The following LENG8 variants were observed in gnomAD, a reference collection of about 807,000 sequenced individuals.
LENG8 encodes the protein leukocyte receptor cluster (LRC) member 8.
In LENG8, 28 loss-of-function variants were observed where a neutral mutation model predicts 102.1. The observed-to-expected ratio is 0.27, with a 90% CI of 0.20 to 0.38. LENG8 has a LOEUF of 0.38. Ranked by LOEUF, LENG8 falls within the 10% of genes least tolerant of loss-of-function variation. LENG8 has a pLI of 1.00. For synonymous variants in LENG8, 531 were observed against 456.7 expected (o/e 1.16, Z -2.07); for missense variants, 1,022 against 1,113.9 (o/e 0.92, Z 1.17).
intron 1 of LENG8, among the ~76,000 whole-genome samples, chr19:54,450,574 C>T (rs1004345523): frequency 3.3e-5 from 5 of 151,652 alleles, no homozygotes; most frequent in African/African-American, 1.2e-4. Context: ...ATTATAGCAT[C>T]CATCCTCTTG....
At position 54,452,760 on chromosome 19, in the gene LENG8, C is replaced by T; in HGVS notation, c.315+8C>T. 2 of 1,600,544 alleles carry T rather than the reference C, an allele frequency of 1.2e-6. No homozygotes were observed. The highest frequency in any genetic ancestry group is 1.7e-6 in the Non-Finnish European group (2 of 1,168,000). Reference sequence around the variant, plus strand: ...AGCTACTACTATCCCATGGTGAGTGCCCAGCCAGTGGGGCGGGGCAGGGCG... The same window carrying T: ...AGCTACTACTATCCCATGGTGAGTGTCCAGCCAGTGGGGCGGGGCAGGGCG... On this transcript the variant is annotated splice_region_variant and intron_variant, in intron 4 of 15. Transcript: ENST00000326764.
intron 1 of LENG8, among the ~76,000 whole-genome samples, chr19:54,450,118 C>T (rs1434172425): frequency 6.6e-6 from 1 of 152,202 alleles, no homozygotes; most frequent in Admixed American, 6.5e-5. Context: ...CTCTGTACCC[C>T]ACTCTTAATT....
chr19:54,456,990 G>T, intron 11 of LENG8, 69 bp downstream of exon 11: 1 of 1,486,088 alleles, frequency 6.7e-7, no homozygotes, highest in South Asian at 1.3e-5. Context: ...AGCCAACCCA[G>T]GGAGGGTGGC....
intron 15 of LENG8, chr19:54,458,844 C>T (rs1367744928): frequency 3.9e-6 from 6 of 1,550,690 alleles, no homozygotes; most frequent in Non-Finnish European, 4.4e-6. Flanking sequence ...ACTCCTTGCC[C>T]TGGGCTTCCT....
At chr19:54,460,718 T>TTGGC in intron 15 of LENG8, 48 bp from the exon 16 acceptor site, 25 of 1,047,946 alleles carry the variant, frequency 2.4e-5, no homozygotes, top group Admixed American at 3.7e-5. Flanking sequence ...GGCCCTCCCC[T>TTGGC]GCCCTCCCGC....
chr19:54,460,628 G>C (rs1569309612), intron 15 of LENG8, 138 bp from the exon 16 acceptor site: 20 of 1,433,542 alleles, frequency 1.4e-5, no homozygotes, highest in Non-Finnish European at 1.8e-5. Flanking sequence ...GGGGAGGCTG[G>C]GAGGCGGGTG....
Position 54,460,962 on chromosome 19 carries a change from C to T in LENG8, c.*34C>T. 3 of 1,538,166 alleles carry T rather than the reference C, an allele frequency of 2.0e-6. No individual in the cohort carries two copies. Among genetic ancestry groups the T allele is most frequent in the African/African-American group, 1.4e-5 (1 of 73,128 alleles). On this transcript the variant is annotated 3_prime_UTR_variant, in exon 16 of 16. Coordinates refer to ENST00000326764, the MANE Select transcript of LENG8 (RefSeq NM_052925.4). ...CGAGGAGGGGCGGGGGCAGGGGCTG[C>T]AGCCCCCAGCGCTGCCTTTGCGGAT...
intron 8 of LENG8, 144 bp from the exon 9 acceptor site, chr19:54,455,823 C>G: frequency 1.1e-6 from 1 of 923,088 alleles, no homozygotes; most frequent in Admixed American, 2.8e-5. Context: ...GGGTTCGCGT[C>G]TCATTTCTGC....
Position 54,455,660 on chromosome 19 carries a change from A to T in LENG8, c.1025+93A>T, listed in dbSNP as rs2084191631. The T allele has an allele frequency of 2.6e-6, 3 of 1,172,354 alleles. No homozygotes were observed. In the East Asian group the frequency reaches 7.7e-5, roughly 30 times the overall value. 72.6% of individuals were successfully genotyped at this position (1,172,354 alleles called of 1,614,324 possible). A position where few individuals can be genotyped will look rare whatever the true frequency, so the allele number is the denominator to read the frequency against. Reference sequence around the variant, plus strand: ...AGGAGAGTTGCGGGTCCCAGGTACCAGGAGCTCCAAAGAGAAATGAACTGG... The same window carrying T: ...AGGAGAGTTGCGGGTCCCAGGTACCTGGAGCTCCAAAGAGAAATGAACTGG... On this transcript the variant is annotated intron_variant, in intron 8 of 15. Coordinates refer to ENST00000326764, the MANE Select transcript of LENG8 (RefSeq NM_052925.4).
Position 54,461,184 on chromosome 19 carries a change from G to A in LENG8, c.*256G>A, listed in dbSNP as rs1237628669. The A allele has an allele frequency of 1.5e-5, 10 of 683,856 alleles. No homozygotes were observed. Among genetic ancestry groups the A allele is most frequent in the Middle Eastern group, 2.3e-4 (1 of 4,320 alleles). The allele number at this position is 683,856 out of a possible 1,614,324, so 42.4% of individuals were successfully genotyped here. On this transcript the variant is annotated 3_prime_UTR_variant, in exon 16 of 16. Coordinates refer to ENST00000326764, the MANE Select transcript of LENG8 (RefSeq NM_052925.4). ...GGAGGGTTGGGGGCATGGTCTGCAG[G>A]CTCATCTGTGTCCGCCTTTCACTCC... is the stretch of plus-strand genomic sequence containing the variant.
rs1358187571 is a variant in LENG8 at position 54,461,415 on chromosome 19, C to A, written c.*487C>A. On this transcript the variant is annotated 3_prime_UTR_variant, in exon 16 of 16. Coordinates refer to ENST00000326764, the MANE Select transcript of LENG8 (RefSeq NM_052925.4). The stretch of plus-strand genomic sequence containing the variant: ...TTCGCCACAGACTCTTGTTCCCAGC[C>A]CCTTGGGGCCTCCGTGTTTGGGGTG... The A allele has an allele frequency of 2.2e-6, 1 of 458,528 alleles. No individual in the cohort carries two copies. The highest frequency in any genetic ancestry group is 6.9e-5 in the East Asian group (1 of 14,436). The allele number at this position is 458,528 out of a possible 1,614,324, so 28.4% of individuals were successfully genotyped here. A position where few individuals can be genotyped will look rare whatever the true frequency, so the allele number is the denominator to read the frequency against.
At chr19:54,453,185 T>C (rs1257904770) in intron 4 of LENG8, among the ~76,000 whole-genome samples, 4 of 152,280 alleles carry the variant, frequency 2.6e-5, no homozygotes, top group Admixed American at 6.5e-5. Flanking sequence ...TTCTTTGCCA[T>C]CTTATTGTTT....
Position 54,452,286 on chromosome 19 carries a change from G to T in LENG8, c.213+19G>T. On this transcript the variant is annotated intron_variant, in intron 3 of 15. Coordinates refer to ENST00000326764, the MANE Select transcript of LENG8 (RefSeq NM_052925.4). ...TGCACAGGTGAGAAGGCCTCATGGGGCTGGGGTACCCTGAGCCAGAGGTTG... is the reference window on the plus strand; with the variant it reads ...TGCACAGGTGAGAAGGCCTCATGGGTCTGGGGTACCCTGAGCCAGAGGTTG... 1 of 1,589,576 alleles carries T rather than the reference G, an allele frequency of 6.3e-7. No individual in the cohort carries two copies. The highest frequency in any genetic ancestry group is 8.6e-7 in the Non-Finnish European group (1 of 1,163,926).
chr19:54,454,173 C>CA (rs1386870953), intron 5 of LENG8, among the ~76,000 whole-genome samples: 1 of 152,148 alleles, frequency 6.6e-6, no homozygotes, highest in African/African-American at 2.4e-5. Context: ...GAAACGCTGC[C>CA]AGCTGCCGCT....
intron 5 of LENG8, 83 bp from the exon 6 acceptor site, chr19:54,454,347 C>T: frequency 7.1e-7 from 1 of 1,414,766 alleles, no homozygotes; most frequent in South Asian, 1.3e-5. Flanking sequence ...GCTGTGACCA[C>T]TGCGTCCTCA....
Position 54,461,621 on chromosome 19 carries a change from A to AT in LENG8, c.*702dup, listed in dbSNP as rs754920356. The AT allele has an allele frequency of 5.7e-5, 27 of 470,646 alleles. No individual in the cohort carries two copies. The highest frequency in any genetic ancestry group is 3.1e-4 in the Admixed American group (13 of 42,334). 29.2% of individuals were successfully genotyped at this position (470,646 alleles called of 1,614,324 possible). On this transcript the variant is annotated 3_prime_UTR_variant, in exon 16 of 16. Coordinates refer to ENST00000326764, the MANE Select transcript of LENG8 (RefSeq NM_052925.4). ...CCCTCTGCCCCCAGTGTTTCTTCTG[A>AT]TTTTTTTTTCCCCTTTCCCTCCCTC...
intron 15 of LENG8, chr19:54,460,520 C>T (rs987302019): frequency 1.1e-4 from 146 of 1,389,646 alleles, no homozygotes; most frequent in African/African-American, 6.0e-4. Flanking sequence ...TGCCCGTCCC[C>T]GCTCCTCCCT....
chr19:54,456,617 G>A lies in LENG8; in HGVS notation c.1446-19G>A. The A allele has an allele frequency of 6.3e-7, 1 of 1,599,720 alleles. No individual in the cohort carries two copies. Among genetic ancestry groups the A allele is most frequent in the Non-Finnish European group, 8.5e-7 (1 of 1,172,128 alleles). ...GCTGGAGACGCCTGTCGCGCTCACT[G>A]CCCCTCATCCCTTCCTAGGCACGAT... On this transcript the variant is annotated intron_variant, in intron 10 of 15. Coordinates refer to ENST00000326764, the MANE Select transcript of LENG8 (RefSeq NM_052925.4).
intron 1 of LENG8, among the ~76,000 whole-genome samples, chr19:54,450,248 C>G (rs1249565875): frequency 6.6e-6 from 1 of 152,194 alleles, no homozygotes; most frequent in Non-Finnish European, 1.5e-5. Flanking sequence ...CCCGTGGAAG[C>G]AGGCAGGGGT....
Sources: gnomAD v4.1 joint callset for allele counts (sites outside exome capture counted in the v4.1 genomes callset) on GRCh38, gnomAD v4.1.1 for gene constraint, MANE v1.5 for transcripts, NCBI Gene and HGNC (gene_info 2026-07-23, HGNC 2026-07-21) for gene names.